Variants in TRIM69 observed in about 807,000 individuals in gnomAD.
TRIM69 encodes E3 ubiquitin-protein ligase TRIM69.
TRIM69 carries 29 observed loss-of-function variants against 37.7 expected under a neutral mutation model. The observed-to-expected ratio is 0.77, with a 90% CI of 0.57 to 1.05. TRIM69 has a LOEUF of 1.05. Ranked by LOEUF, TRIM69 falls within the 50% of genes least tolerant of loss-of-function variation. The pLI, the probability that TRIM69 is intolerant of heterozygous loss-of-function variation, is 0.00. For missense variants in TRIM69, 596 were observed against 579.9 expected (o/e 1.03, Z -0.28); for synonymous variants, 209 against 212.4 (o/e 0.98, Z 0.14).
intron 6 of TRIM69, among the ~76,000 whole-genome samples, chr15:44,765,599 A>G (rs1176445753): frequency 6.6e-6 from 1 of 151,482 alleles, no homozygotes; most frequent in Admixed American, 6.6e-5. Context: ...AAAATTACAA[A>G]AAATATCAGC....
intron 6 of TRIM69, among the ~76,000 whole-genome samples, chr15:44,765,071 G>C (rs951814614): frequency 5.3e-5 from 8 of 152,322 alleles, no homozygotes; most frequent in Admixed American, 6.5e-5. Flanking sequence ...AGATGGGCAA[G>C]AGAGGAAACA....
intron 2 of TRIM69, among the ~76,000 whole-genome samples, chr15:44,755,589 A>G (rs549299788): frequency 4.6e-5 from 7 of 152,324 alleles, no homozygotes; most frequent in Admixed American, 6.5e-5. Context: ...TACTCCCTCA[A>G]TCAAATCTGT....
chr15:44,765,772 C>CA (rs57289751), intron 6 of TRIM69, among the ~76,000 whole-genome samples: 113,736 of 140,468 alleles, frequency 0.81, 44,284 homozygotes, highest in Middle Eastern at 0.88. Flanking sequence ...CAAAACAAAA[C>CA]AAACAAACAA....
At chr15:44,759,711 A>G in intron 5 of TRIM69, 37 bp from the exon 6 acceptor site, 1 of 1,614,034 alleles carries the variant, frequency 6.2e-7, no homozygotes, top group Non-Finnish European at 8.5e-7. Flanking sequence ...GAGTCTCTGG[A>G]GGATGTCTAA....
intron 1 of TRIM69, among the ~76,000 whole-genome samples, chr15:44,751,433 T>C (rs1280912082): frequency 1.3e-5 from 2 of 152,034 alleles, no homozygotes; most frequent in East Asian, 3.9e-4. Flanking sequence ...AAAATTATTA[T>C]TTATAATTTT....
intron 1 of TRIM69, among the ~76,000 whole-genome samples, chr15:44,741,747 C>T (rs2087291312): frequency 6.6e-6 from 1 of 152,160 alleles, no homozygotes; most frequent in African/African-American, 2.4e-5. Flanking sequence ...GACACATACA[C>T]CCTCCCAAGA....
chr15:44,741,494 C>A (rs1286983856), intron 1 of TRIM69, among the ~76,000 whole-genome samples: 1 of 152,160 alleles, frequency 6.6e-6, no homozygotes, highest in Non-Finnish European at 1.5e-5. Context: ...AAAAGAGACA[C>A]AATAAACCCT....
At position 44,739,277 on chromosome 15, in the gene TRIM69, G is replaced by T. The variant is rs540067646; in HGVS notation, c.6+2567G>T. On this transcript the variant is annotated intron_variant, in intron 1 of 6. Coordinates refer to ENST00000329464, the MANE Select transcript of TRIM69 (RefSeq NM_182985.5). ...AGATGGCTGAATAGGAACAGCTCTG[G>T]TCTACAGCTCCCAGCGTGAGCGATG... Among the ~76,000 whole-genome samples the T allele has an allele frequency of 9.5e-4, 144 of 152,324 alleles. 1 individual carries two copies. Among genetic ancestry groups the T allele is most frequent in the Middle Eastern group, 6.8e-3 (2 of 294 alleles).
At chr15:44,736,972 TTTCA>T (rs1204175564) in intron 1 of TRIM69, among the ~76,000 whole-genome samples, 3 of 152,220 alleles carry the variant, frequency 2.0e-5, no homozygotes, top group Non-Finnish European at 2.9e-5. Context: ...TACAATTTAC[TTTCA>T]TTATCAATGT....
At chr15:44,736,742 G>A (rs763743329) in intron 1 of TRIM69, 32 bp downstream of exon 1, 3 of 1,606,836 alleles carry the variant, frequency 1.9e-6, no homozygotes, top group Non-Finnish European at 2.5e-6. Flanking sequence ...TAACTTAGCA[G>A]GGCTTCTAGG....
chr15:44,765,277 A>G (rs2087861214), intron 6 of TRIM69, among the ~76,000 whole-genome samples: 1 of 152,206 alleles, frequency 6.6e-6, no homozygotes, highest in African/African-American at 2.4e-5. Context: ...TGAACTAGCT[A>G]GAGATGTGTC....
intron 1 of TRIM69, among the ~76,000 whole-genome samples, chr15:44,752,435 T>C (rs954775856): frequency 1.3e-5 from 2 of 152,226 alleles, no homozygotes; most frequent in African/African-American, 4.8e-5. Flanking sequence ...TTGATATTAG[T>C]AGAGCTACTC....
intron 6 of TRIM69, among the ~76,000 whole-genome samples, chr15:44,762,473 C>T (rs942755133): frequency 2.6e-5 from 4 of 151,996 alleles, no homozygotes; most frequent in African/African-American, 9.7e-5. Flanking sequence ...TTCTCCTCTC[C>T]TTCTTGGAGT....
At chr15:44,758,954 C>G in intron 4 of TRIM69, 100 bp downstream of exon 4, 2 of 1,281,092 alleles carry the variant, frequency 1.6e-6, no homozygotes, top group South Asian at 3.0e-5. Flanking sequence ...CCAGGGAAAA[C>G]AAAACAAAAC....
intron 1 of TRIM69, among the ~76,000 whole-genome samples, chr15:44,748,932 G>T (rs1596021988): frequency 1.3e-5 from 2 of 151,880 alleles, no homozygotes; most frequent in Middle Eastern, 3.4e-3. Flanking sequence ...CCAGGCTAGA[G>T]TGCAGTGGCA....
intron 6 of TRIM69, among the ~76,000 whole-genome samples, chr15:44,765,846 T>C (rs1250108554): frequency 6.6e-6 from 1 of 151,950 alleles, no homozygotes; most frequent in Admixed American, 6.6e-5. Context: ...ATAAATCCAA[T>C]AACAACAAAT....
chr15:44,750,429 T>G (rs935366445), intron 1 of TRIM69, among the ~76,000 whole-genome samples: 1 of 152,284 alleles, frequency 6.6e-6, no homozygotes, highest in Non-Finnish European at 1.5e-5. Context: ...TTTACTTTTG[T>G]AGGTCTGTTC....
chr15:44,740,417 A>G (rs1204207660), intron 1 of TRIM69, among the ~76,000 whole-genome samples: 1 of 152,260 alleles, frequency 6.6e-6, no homozygotes, highest in Admixed American at 6.5e-5. Flanking sequence ...AAGGCTTCAG[A>G]TGATCCAACT....
chr15:44,767,053 C>CAAAAAAAAAAA (rs55736812), intron 6 of TRIM69, among the ~76,000 whole-genome samples, 178 bp from the exon 7 acceptor site: 3,629 of 24,322 alleles, frequency 0.15, 1,477 homozygotes, highest in Middle Eastern at 0.21. Context: ...TTGTCTGCCT[C>CAAAAAAAAAAA]AAAAAAAAAA....
Sources: allele counts gnomAD v4.1 joint callset (sites outside exome capture counted in the v4.1 genomes callset), GRCh38; gene constraint gnomAD v4.1.1; transcripts MANE v1.5; gene names NCBI Gene and HGNC (gene_info 2026-07-23, HGNC 2026-07-21).